The following CLCN1 variants were observed in gnomAD, a reference collection of about 807,000 sequenced individuals.
The protein encoded by CLCN1 is chloride voltage-gated channel 1.
Under a neutral mutation model 114.5 loss-of-function variants are expected in CLCN1, and 100 were observed. The ratio of observed to expected loss-of-function variants is 0.87; its 90% CI spans 0.74 to 1.03. The LOEUF is 1.03. Ranked by LOEUF, CLCN1 falls within the 50% of genes least tolerant of loss-of-function variation. The probability of loss-of-function intolerance (pLI) is 0.00; values close to 1 mark genes in which losing one functional copy is unlikely to be tolerated. For missense variants in CLCN1, 1,188 were observed against 1,250.0 expected (o/e 0.95, Z 0.75); for synonymous variants, 485 against 487.1 (o/e 1.00, Z 0.06).
At position 143,316,176 on chromosome 7, in the gene CLCN1, C is replaced by T. The variant is rs143197630; in HGVS notation, c.-37C>T. 1.4e-5 allele frequency: 22 copies of T among 1,565,736 alleles called. No individual in the cohort carries two copies. Among genetic ancestry groups the T allele is most frequent in the Non-Finnish European group, 1.9e-5 (22 of 1,139,546 alleles). Reference sequence around the variant, plus strand: ...ACACTGGGGGAAGGACAGGGGCAAGCAGGCCAAGGCCTGGCCGGGGCTCGG... The same window carrying T: ...ACACTGGGGGAAGGACAGGGGCAAGTAGGCCAAGGCCTGGCCGGGGCTCGG... On this transcript the variant is annotated 5_prime_UTR_variant, in exon 1 of 23. Coordinates refer to ENST00000343257, the MANE Select transcript of CLCN1 (RefSeq NM_000083.3).
At chr7:143,322,052 G>C (rs1802454800) in intron 5 of CLCN1, among the ~76,000 whole-genome samples, 1 of 152,244 alleles carries the variant, frequency 6.6e-6, no homozygotes, top group South Asian at 2.1e-4. Flanking sequence ...GGGGAGCTTG[G>C]AGCAGGCTCT....
intron 20 of CLCN1, among the ~76,000 whole-genome samples, chr7:143,348,216 T>C (rs1803308144): frequency 1.3e-5 from 2 of 152,040 alleles, no homozygotes; most frequent in Admixed American, 6.6e-5. Flanking sequence ...TTCTGATAAA[T>C]GACTTGTGAA....
At chr7:143,316,437 C>G (rs374784404) in intron 1 of CLCN1, 45 bp downstream of exon 1, 2 of 1,544,306 alleles carry the variant, frequency 1.3e-6, no homozygotes, top group African/African-American at 2.7e-5. Flanking sequence ...TGAGGGGAGA[C>G]AGTGGTGCCA....
intron 12 of CLCN1, among the ~76,000 whole-genome samples, chr7:143,338,793 C>CAAA (rs535268770): frequency 5.1e-5 from 4 of 77,942 alleles, no homozygotes; most frequent in Non-Finnish European, 5.2e-5. Flanking sequence ...GACCCTGTCT[C>CAAA]AAAAAAAAAA....
At chr7:143,319,511 A>C (rs139413943) in intron 1 of CLCN1, among the ~76,000 whole-genome samples, 76 of 152,312 alleles carry the variant, frequency 5.0e-4, no homozygotes, top group African/African-American at 1.8e-3. Context: ...GATCAAGGTG[A>C]GTACAGGTTG....
At chr7:143,344,924 T>A (rs543376012) in intron 16 of CLCN1, among the ~76,000 whole-genome samples, 1 of 152,124 alleles carries the variant, frequency 6.6e-6, no homozygotes, top group African/African-American at 2.4e-5. Context: ...CTAATTTTTT[T>A]ATTTTTGGTA....
Position 143,321,724 on chromosome 7 carries a change from T to C in CLCN1, c.572T>C (p.Ile191Thr), listed in dbSNP as rs756669568. 1.9e-6 allele frequency: 3 copies of C among 1,614,234 alleles called. No individual in the cohort carries two copies. The highest frequency in any genetic ancestry group is 2.5e-6 in the Non-Finnish European group (3 of 1,180,048). The change falls in exon 5 of 23, where the codon ATC (isoleucine) becomes ACC (threonine). Residue 191 changes from isoleucine to threonine, a missense_variant. Transcript: ENST00000343257. The surrounding 1 kb of genome is among the most constrained non-coding windows in gnomAD (Gnocchi z 4.2). ...CTTTCAACGCTTTTAGGCTCTGGAA[T>C]CCCCGAAATGAAGACAATACTTCGT... is the stretch of plus-strand genomic sequence containing the variant. Reference protein sequence around the residue: ...LISPQAVGSGIPEMKTILRGV... With the variant: ...LISPQAVGSGTPEMKTILRGV...
At chr7:143,326,226 C>T (rs1027566873) in intron 7 of CLCN1, among the ~76,000 whole-genome samples, 3 of 114,280 alleles carry the variant, frequency 2.6e-5, no homozygotes, top group African/African-American at 1.7e-4. Context: ...CCATGTTGGC[C>T]AGGCTGCTCT....
At chr7:143,342,617 C>G in intron 16 of CLCN1, 112 bp downstream of exon 16, 1 of 1,088,104 alleles carries the variant, frequency 9.2e-7, no homozygotes, top group African/African-American at 1.5e-5. Context: ...ATCCAATGTG[C>G]TATGTACAAG....
At position 143,320,627 on chromosome 7, in the gene CLCN1, T is replaced by C. The variant is rs112059687; in HGVS notation, c.302-37T>C. 2,148 of 1,553,210 alleles carry C rather than the reference T, an allele frequency of 1.4e-3. 30 individuals are homozygous for C. In the African/African-American group the frequency reaches 0.025, roughly 18 times the overall value. On this transcript the variant is annotated intron_variant, in intron 2 of 22. Coordinates refer to ENST00000343257, the MANE Select transcript of CLCN1 (RefSeq NM_000083.3). ...TATTTTTGTTTGTTTGTTTGTTTGT[T>C]GTTTGTTTGTTTGTTTTTTCCCTCA...
intron 10 of CLCN1, 87 bp from the exon 11 acceptor site, chr7:143,332,332 T>TA: frequency 5.1e-6 from 5 of 981,818 alleles, no homozygotes; most frequent in Non-Finnish European, 8.3e-6. Context: ...TACGGTGGAC[T>TA]AAAGGAAACT....
chr7:143,319,091 T>TG (rs1349975314), intron 1 of CLCN1, among the ~76,000 whole-genome samples: 1 of 152,086 alleles, frequency 6.6e-6, no homozygotes, highest in Non-Finnish European at 1.5e-5. Context: ...CCACCAGACC[T>TG]GGGGGAGCTG....
chr7:143,320,599 A>G (rs1043847872), intron 2 of CLCN1, 65 bp from the exon 3 acceptor site: 4 of 1,309,732 alleles, frequency 3.1e-6, no homozygotes, highest in East Asian at 2.4e-5. Flanking sequence ...CTCTACATAT[A>G]TATATTTTTG....
At chr7:143,322,010 A>G (rs1439502823) in intron 5 of CLCN1, among the ~76,000 whole-genome samples, 162 bp downstream of exon 5, 1 of 152,234 alleles carries the variant, frequency 6.6e-6, no homozygotes, top group Non-Finnish European at 1.5e-5. Context: ...AGTTCCTCCA[A>G]CTGAGGTCCA....
intron 12 of CLCN1, among the ~76,000 whole-genome samples, chr7:143,337,403 A>G (rs1802934409): frequency 2.6e-5 from 4 of 152,198 alleles, no homozygotes; most frequent in Admixed American, 2.6e-4. Flanking sequence ...GAATAGTCAT[A>G]TTCTGACATG....
chr7:143,345,319 C>A (rs553700445), intron 16 of CLCN1, among the ~76,000 whole-genome samples: 1 of 152,144 alleles, frequency 6.6e-6, no homozygotes, highest in Non-Finnish European at 1.5e-5. Flanking sequence ...CAATTGGCCC[C>A]GTACCTGCTA....
Position 143,316,255 on chromosome 7 carries a change from T to C in CLCN1, c.43T>C (p.Trp15Arg), listed in dbSNP as rs1194717455. ...ACAGCAGCGTGGGGGTGAACAAAGCTGGTGGGGTAGTGACCCCCAGTACCA... is the reference window on the plus strand; with the variant it reads ...ACAGCAGCGTGGGGGTGAACAAAGCCGGTGGGGTAGTGACCCCCAGTACCA... ...RSQQRGGEQS[W>R]WGSDPQYQYM... Residue 15 changes from tryptophan (W) to arginine (R), a missense_variant, in exon 1 of 23, where the codon TGG becomes CGG. By Grantham distance (101) the Trp-to-Arg change is moderately radical. Coordinates refer to ENST00000343257, the MANE Select transcript of CLCN1 (RefSeq NM_000083.3). 6.2e-6 allele frequency: 10 copies of C among 1,613,620 alleles called. No individual in the cohort carries two copies. The highest frequency in any genetic ancestry group is 1.7e-5 in the Admixed American group (1 of 60,002).
chr7:143,351,537 C>A, intron 22 of CLCN1, 57 bp from the exon 23 acceptor site: 1 of 1,583,476 alleles, frequency 6.3e-7, no homozygotes, highest in South Asian at 1.1e-5. Flanking sequence ...CTCACTGCCC[C>A]CGTCTTTTTT....
intron 12 of CLCN1, among the ~76,000 whole-genome samples, chr7:143,335,998 AT>A (rs1802875598): frequency 6.6e-6 from 1 of 152,122 alleles, no homozygotes; most frequent in African/African-American, 2.4e-5. Flanking sequence ...GAGAACTTCC[AT>A]CTTCCTTAAT....
Sources: gnomAD v4.1 joint callset for allele counts (sites outside exome capture counted in the v4.1 genomes callset) on GRCh38, gnomAD v4.1.1 for gene constraint, Gnocchi (gnomAD v3.1) non-coding constraint, MANE v1.5 for transcripts, NCBI Gene and HGNC (gene_info 2026-07-23, HGNC 2026-07-21) for gene names.